The following ZBTB41 variants were observed in gnomAD, a reference collection of about 807,000 sequenced individuals.
ZBTB41 encodes the protein zinc finger and BTB domain containing 41, also known as zinc finger and BTB domain-containing protein 41.
ZBTB41 carries 42 observed loss-of-function variants against 87.6 expected under a neutral mutation model. That is an observed-to-expected ratio of 0.48 (90% CI 0.37 to 0.62). The LOEUF is 0.62. Among genes scored for constraint, ZBTB41 ranks in the 20% least tolerant of loss-of-function variants. The pLI is 0.00. For synonymous variants in ZBTB41, 364 were observed against 364.0 expected, an observed-to-expected ratio of 1.00 and a Z score of 0.00; for missense variants, 799 against 1,078.9, an observed-to-expected ratio of 0.74 and a Z score of 3.63.
rs112322209 is a variant in ZBTB41, at chr1:197,193,711, C to G, written c.1121-1812G>C. Among the ~76,000 whole-genome samples the G allele has an allele frequency of 3.6e-3, 545 of 152,278 alleles. 3 individuals carry two copies. Among genetic ancestry groups the G allele is most frequent in the African/African-American group, 0.012 (508 of 41,542 alleles). ...TACACATCCTACCACCACCACCTCC[C>G]CCGCTGTGTTCAAGGAATCAGACCA... On this transcript the variant is annotated intron_variant, in intron 2 of 10. Transcript: ENST00000367405.
At chr1:197,168,740 G>GA (rs1404461530) in intron 10 of ZBTB41, among the ~76,000 whole-genome samples, 2 of 151,788 alleles carry the variant, frequency 1.3e-5, no homozygotes, top group African/African-American at 4.8e-5. Context: ...GAACTATAAA[G>GA]AAAAAAATGG....
chr1:197,189,924 CTTTGT>C (rs1659985079), intron 4 of ZBTB41, among the ~76,000 whole-genome samples: 1 of 151,918 alleles, frequency 6.6e-6, no homozygotes, highest in Non-Finnish European at 1.5e-5. Context: ...GGGTGGGCCA[CTTTGT>C]TTTTTTTGAG....
chr1:197,193,486 G>A (rs1285464632), intron 2 of ZBTB41, among the ~76,000 whole-genome samples: 1 of 152,048 alleles, frequency 6.6e-6, no homozygotes, highest in African/African-American at 2.4e-5. Flanking sequence ...TCATAATATG[G>A]ACATGTAGGT....
chr1:197,181,833 C>T (rs909153642), intron 5 of ZBTB41, among the ~76,000 whole-genome samples: 6 of 151,992 alleles, frequency 3.9e-5, no homozygotes, highest in Non-Finnish European at 7.4e-5. Context: ...TGCTTGGTAG[C>T]CACAGTAGCT....
chr1:197,191,219 G>C (rs1660022606), intron 3 of ZBTB41, among the ~76,000 whole-genome samples: 1 of 151,924 alleles, frequency 6.6e-6, no homozygotes, highest in African/African-American at 2.4e-5. Context: ...CAGCACTTTG[G>C]GAGGTCAAGG....
intron 3 of ZBTB41, among the ~76,000 whole-genome samples, chr1:197,191,304 A>G (rs1660025000): frequency 6.6e-6 from 1 of 151,946 alleles, no homozygotes; most frequent in South Asian, 2.1e-4. Context: ...TACAAAAAAT[A>G]CAAAAATTAG....
chr1:197,172,886 C>T (rs1369726472), intron 9 of ZBTB41, among the ~76,000 whole-genome samples: 1 of 151,928 alleles, frequency 6.6e-6, no homozygotes, highest in Admixed American at 6.6e-5. Flanking sequence ...TAAATTTGAA[C>T]TAATAAATAA....
At chr1:197,174,194 A>C (rs912770414) in intron 9 of ZBTB41, among the ~76,000 whole-genome samples, 18 of 152,104 alleles carry the variant, frequency 1.2e-4, no homozygotes, top group African/African-American at 4.1e-4. Context: ...AAGGAAGGAG[A>C]GGATAAACAA....
chr1:197,194,618 G>GAAAAAAAA (rs71131750), intron 2 of ZBTB41, among the ~76,000 whole-genome samples: 4 of 135,718 alleles, frequency 2.9e-5, no homozygotes, highest in East Asian at 2.1e-4. Flanking sequence ...ATTTAAGCAA[G>GAAAAAAAA]AAAAAAAAAA....
Position 197,159,095 on chromosome 1 carries a change from C to A in ZBTB41, c.*264G>T. 2 of 341,806 alleles carry A rather than the reference C, an allele frequency of 5.9e-6. No homozygotes were observed. Among genetic ancestry groups the A allele is most frequent in the Non-Finnish European group, 1.1e-5 (2 of 189,820 alleles). 21.2% of individuals were successfully genotyped at this position (341,806 alleles called of 1,614,324 possible). On this transcript the variant is annotated 3_prime_UTR_variant, in exon 11 of 11. Coordinates refer to ENST00000367405, the MANE Select transcript of ZBTB41 (RefSeq NM_194314.3). The stretch of plus-strand genomic sequence containing the variant: ...CCATAATATCAGCAGCTAATAATTG[C>A]AAAAAATTTAAGAAACCATTAAAAG...
At chr1:197,200,941 G>T (rs1022373335) in intron 1 of ZBTB41, among the ~76,000 whole-genome samples, 2 of 152,168 alleles carry the variant, frequency 1.3e-5, no homozygotes, top group Non-Finnish European at 2.9e-5. Context: ...TGACAATAAG[G>T]CCGTGGCGGC....
At chr1:197,186,347 C>T (rs1376789564) in intron 5 of ZBTB41, among the ~76,000 whole-genome samples, 3 of 149,906 alleles carry the variant, frequency 2.0e-5, no homozygotes, top group African/African-American at 7.3e-5. Flanking sequence ...AAATGAATCA[C>T]AAAAATGTAG....
intron 5 of ZBTB41, among the ~76,000 whole-genome samples, chr1:197,184,226 T>C (rs1659828074): frequency 6.6e-6 from 1 of 152,224 alleles, no homozygotes; most frequent in South Asian, 2.1e-4. Flanking sequence ...TTCTACATGA[T>C]GGCTTCTTAG....
chr1:197,169,763 A>T (rs1484754355), intron 10 of ZBTB41, among the ~76,000 whole-genome samples: 1 of 152,092 alleles, frequency 6.6e-6, no homozygotes, highest in Non-Finnish European at 1.5e-5. Context: ...CAACATTAAA[A>T]TCAAGTCCTA....
rs552861563 is a variant in ZBTB41, at chr1:197,193,714, G to A, written c.1121-1815C>T. ...ACATCCTACCACCACCACCTCCCCC[G>A]CTGTGTTCAAGGAATCAGACCAAAT... On this transcript the variant is annotated intron_variant, in intron 2 of 10. Coordinates refer to ENST00000367405, the MANE Select transcript of ZBTB41 (RefSeq NM_194314.3). Among the ~76,000 whole-genome samples, 8 of 152,178 alleles carry A rather than the reference G, an allele frequency of 5.3e-5. No individual in the cohort carries two copies. In the South Asian group the frequency reaches 6.2e-4, roughly 12 times the overall value.
At position 197,180,968 on chromosome 1, in the gene ZBTB41, G is replaced by T; in HGVS notation, c.1676+20C>A. 6.3e-7 allele frequency: 1 copy of T among 1,579,710 alleles called. No individual in the cohort carries two copies. The highest frequency in any genetic ancestry group is 8.5e-7 in the Non-Finnish European group (1 of 1,171,234). On this transcript the variant is annotated intron_variant, in intron 6 of 10. Transcript: ENST00000367405. ...CATAATAGTACTAGGATTTTTGTGG[G>T]TGTGCAGATAATTCTTCACCTTTCT... is the stretch of plus-strand genomic sequence containing the variant.
intron 5 of ZBTB41, among the ~76,000 whole-genome samples, chr1:197,182,936 A>C (rs955754055): frequency 1.3e-5 from 2 of 152,182 alleles, no homozygotes; most frequent in Non-Finnish European, 2.9e-5. Context: ...ATATATACCA[A>C]ACTGCATGAA....
intron 2 of ZBTB41, among the ~76,000 whole-genome samples, chr1:197,198,423 C>A (rs1340990532): frequency 1.3e-5 from 2 of 152,090 alleles, no homozygotes; most frequent in Non-Finnish European, 2.9e-5. Context: ...AGTAAGTTAA[C>A]ACTGTAAGAC....
intron 10 of ZBTB41, among the ~76,000 whole-genome samples, chr1:197,166,193 TA>T (rs946966955): frequency 1.4e-4 from 20 of 146,276 alleles, no homozygotes; most frequent in South Asian, 2.2e-4. Flanking sequence ...AGTATAATAA[TA>T]AAAAAAAAGA....
Sources: gnomAD v4.1 joint callset for allele counts (sites outside exome capture counted in the v4.1 genomes callset) on GRCh38, gnomAD v4.1.1 for gene constraint, MANE v1.5 for transcripts, NCBI Gene and HGNC (gene_info 2026-07-23, HGNC 2026-07-21) for gene names.